WDFY3: variants seen among roughly 807,000 people sequenced by gnomAD.
WDFY3 encodes WD repeat and FYVE domain-containing protein 3.
WDFY3 carries 66 observed loss-of-function variants against 409.6 expected under a neutral mutation model. That is an observed-to-expected ratio of 0.16 (90% CI 0.13 to 0.20). The LOEUF (loss-of-function observed/expected upper bound fraction) is 0.20. Among genes scored for constraint, WDFY3 ranks in the 10% least tolerant of loss-of-function variants. The pLI, the probability that WDFY3 is intolerant of heterozygous loss-of-function variation, is 1.00. For synonymous variants in WDFY3, 1,521 were observed against 1,537.1 expected, an observed-to-expected ratio of 0.99 and a Z score of 0.25; for missense variants, 3,031 against 4,298.1, an observed-to-expected ratio of 0.71 and a Z score of 8.24.
At chr4:84,757,232 G>A (rs1320552816) in intron 32 of WDFY3, 71 bp from the exon 33 acceptor site, 1 of 1,381,006 alleles carries the variant, frequency 7.2e-7, no homozygotes, top group South Asian at 1.2e-5. Flanking sequence ...AACAAAGAAG[G>A]AAGTAATTCA....
At chr4:84,803,240 T>C in intron 16 of WDFY3, 50 bp downstream of exon 16, 1 of 1,528,054 alleles carries the variant, frequency 6.5e-7, no homozygotes, top group Non-Finnish European at 8.8e-7. Flanking sequence ...ACTCACATCC[T>C]TTCATTCATT....
intron 37 of WDFY3, 32 bp downstream of exon 37, chr4:84,743,668 G>T (rs1217839615): frequency 2.0e-6 from 3 of 1,481,878 alleles, no homozygotes; most frequent in Non-Finnish European, 2.7e-6. Context: ...AGTGATTATA[G>T]GTATTTCTAT....
At chr4:84,921,801 C>T (rs1769325761) in intron 2 of WDFY3, among the ~76,000 whole-genome samples, 1 of 151,332 alleles carries the variant, frequency 6.6e-6, no homozygotes, top group South Asian at 2.1e-4. Flanking sequence ...TGATTACAGG[C>T]ACCTGCCACC....
chr4:84,733,319 C>A (rs1385454937), intron 44 of WDFY3, 63 bp downstream of exon 44: 9 of 1,542,916 alleles, frequency 5.8e-6, no homozygotes, highest in Admixed American at 4.0e-5. Flanking sequence ...AGAGAAAAAA[C>A]GCTTACAGAG....
At chr4:84,917,430 C>T (rs1353098545) in intron 2 of WDFY3, among the ~76,000 whole-genome samples, 1 of 152,060 alleles carries the variant, frequency 6.6e-6, no homozygotes, top group Non-Finnish European at 1.5e-5. Flanking sequence ...ATTACAAAAG[C>T]TAGGTGATAG....
At chr4:84,839,686 C>T (rs1420705775) in intron 6 of WDFY3, among the ~76,000 whole-genome samples, 4 of 151,820 alleles carry the variant, frequency 2.6e-5, no homozygotes, top group South Asian at 2.1e-4. Flanking sequence ...GGTGAAACCC[C>T]GTCTCTACCA....
intron 32 of WDFY3, among the ~76,000 whole-genome samples, chr4:84,759,700 T>G (rs1464618071): frequency 6.7e-6 from 1 of 150,006 alleles, no homozygotes; most frequent in Non-Finnish European, 1.5e-5. Flanking sequence ...TAAGGAGATT[T>G]TGGGCTGAGA....
Position 84,672,409 on chromosome 4 carries a change from G to A in WDFY3, c.*459C>T, listed in dbSNP as rs1725560251. 1 of 152,550 alleles carries A rather than the reference G, an allele frequency of 6.6e-6. No homozygotes were observed. The highest frequency in any genetic ancestry group is 2.4e-5 in the African/African-American group (1 of 41,456). The allele number at this position is 152,550 out of a possible 1,614,324, so 9.4% of individuals were successfully genotyped here. A position where few individuals can be genotyped will look rare whatever the true frequency, so the allele number is the denominator to read the frequency against. ...GAAGTTTCATGTTACAGGCAGTTAA[G>A]TCCTTATTTAGAAAAAAGGCCTTTT... On this transcript the variant is annotated 3_prime_UTR_variant, in exon 68 of 68. Transcript: ENST00000295888.
In WDFY3 at chr4:84,673,029, T is replaced by G. The variant is rs201904377; in HGVS notation, c.10458-38A>C. ...AAAAGTCAATTAATTATAGGTCTTC[T>G]CCATGCTTGATCATGGGCACCGGAA... On this transcript the variant is annotated intron_variant, in intron 67 of 67. Coordinates refer to ENST00000295888, the MANE Select transcript of WDFY3 (RefSeq NM_014991.6). 7.4e-6 allele frequency: 12 copies of G among 1,610,928 alleles called. No individual in the cohort carries two copies. In the African/African-American group the frequency reaches 1.6e-4, roughly 22 times the overall value.
At chr4:84,808,780 C>A (rs1411669925) in intron 14 of WDFY3, 1 of 159,424 alleles carries the variant, frequency 6.3e-6, no homozygotes, top group Admixed American at 6.4e-5. Flanking sequence ...GAACACTACA[C>A]TGTCCTGTGT....
intron 3 of WDFY3, among the ~76,000 whole-genome samples, chr4:84,861,395 A>AT (rs980572496): frequency 5.9e-5 from 9 of 152,178 alleles, no homozygotes; most frequent in East Asian, 1.9e-4. Flanking sequence ...TAATTACTTA[A>AT]TTTTTTTGCT....
At chr4:84,836,873 A>C (rs1578747322) in intron 7 of WDFY3, 56 bp downstream of exon 7, 1 of 1,336,262 alleles carries the variant, frequency 7.5e-7, no homozygotes. Flanking sequence ...CTATTTAGGA[A>C]GTATACCCAC....
intron 14 of WDFY3, 112 bp from the exon 15 acceptor site, chr4:84,808,529 T>C (rs111270085): frequency 1.3e-6 from 1 of 774,684 alleles, no homozygotes; most frequent in East Asian, 2.6e-5. Context: ...ATAAGGAACA[T>C]CTTCCATATT....
At chr4:84,885,640 G>A (rs1188064234) in intron 3 of WDFY3, among the ~76,000 whole-genome samples, 1 of 152,086 alleles carries the variant, frequency 6.6e-6, no homozygotes, top group Non-Finnish European at 1.5e-5. Flanking sequence ...GAATCTGGAA[G>A]GCCATTAAAC....
chr4:84,730,584 C>T (rs1736425755), intron 44 of WDFY3, among the ~76,000 whole-genome samples: 1 of 152,168 alleles, frequency 6.6e-6, no homozygotes, highest in Non-Finnish European at 1.5e-5. Flanking sequence ...GTTTCAGTTT[C>T]TCATCTGTAA....
In WDFY3 at chr4:84,857,529, A is replaced by G. The variant is rs916634384; in HGVS notation, c.180+2883T>C. On this transcript the variant is annotated intron_variant, in intron 4 of 67. Coordinates refer to ENST00000295888, the MANE Select transcript of WDFY3 (RefSeq NM_014991.6). Reference sequence around the variant, plus strand: ...ACTCCTCAGTAGCCAACAGCACATCATGACGTTAAAGTAAAACAAAAATAA... The same window carrying G: ...ACTCCTCAGTAGCCAACAGCACATCGTGACGTTAAAGTAAAACAAAAATAA... Among the ~76,000 whole-genome samples the G allele has an allele frequency of 3.9e-5, 6 of 152,330 alleles. No individual in the cohort carries two copies. In the South Asian group the frequency reaches 6.2e-4, roughly 16 times the overall value.
chr4:84,812,051 G>A (rs1478517772), intron 13 of WDFY3, among the ~76,000 whole-genome samples: 1 of 152,118 alleles, frequency 6.6e-6, no homozygotes, highest in Non-Finnish European at 1.5e-5. Flanking sequence ...TTGGATGAGG[G>A]ATGCTCAACC....
intron 61 of WDFY3, among the ~76,000 whole-genome samples, chr4:84,689,079 A>T (rs1226331377): frequency 6.6e-6 from 1 of 152,220 alleles, no homozygotes; most frequent in Non-Finnish European, 1.5e-5. Context: ...CGCCTTCCAC[A>T]CTAGAATGTA....
At chr4:84,688,339 TG>T in intron 61 of WDFY3, 74 bp from the exon 62 acceptor site, 1 of 1,472,710 alleles carries the variant, frequency 6.8e-7, no homozygotes, top group Non-Finnish European at 9.2e-7. Flanking sequence ...CAGAAGCTCC[TG>T]GATGCATCAG....
Sources: allele counts gnomAD v4.1 joint callset (sites outside exome capture counted in the v4.1 genomes callset), GRCh38; gene constraint gnomAD v4.1.1; transcripts MANE v1.5; gene names NCBI Gene and HGNC (gene_info 2026-07-23, HGNC 2026-07-21).